Variants in MYO10 observed in about 807,000 individuals in gnomAD.
MYO10 encodes myosin X, also known as unconventional myosin-X.
A neutral mutation model predicts 257.3 loss-of-function variants in MYO10; 133 were observed. The observed-to-expected ratio is 0.52, with a 90% CI of 0.45 to 0.60. The LOEUF (loss-of-function observed/expected upper bound fraction) is 0.60, where lower values mean the gene tolerates loss of function less well. MYO10 is among the 20% of genes least tolerant of loss of function. The pLI is 0.00. For missense variants in MYO10, 2,399 were observed against 2,635.7 expected (o/e 0.91, Z 1.97); for synonymous variants, 1,104 against 1,028.6 (o/e 1.07, Z -1.40).
intron 30 of MYO10, among the ~76,000 whole-genome samples, chr5:16,682,594 A>AACCTCT (rs1737057121): frequency 6.6e-6 from 1 of 152,216 alleles, no homozygotes; most frequent in Non-Finnish European, 1.5e-5. Flanking sequence ...AAATGCCCTG[A>AACCTCT]ACCTCTCTCA....
intron 2 of MYO10, among the ~76,000 whole-genome samples, chr5:16,870,722 A>G (rs192342243): frequency 2.0e-5 from 3 of 152,188 alleles, no homozygotes; most frequent in East Asian, 1.9e-4. Flanking sequence ...GAGAAAGCCC[A>G]TCTCTACTAA....
chr5:16,872,640 T>C lies in MYO10; in HGVS notation c.120+4969A>G, dbSNP rs539414075. ...AGAATGCTATATTAGTCTGTTTTCATGCTGCTGATAAAGACATACCCAAGA... is the reference window on the plus strand; with the variant it reads ...AGAATGCTATATTAGTCTGTTTTCACGCTGCTGATAAAGACATACCCAAGA... On this transcript the variant is annotated intron_variant, in intron 2 of 40. Coordinates refer to ENST00000513610, the MANE Select transcript of MYO10 (RefSeq NM_012334.3). 5.9e-5 allele frequency among the ~76,000 whole-genome samples: 9 copies of C among 152,334 alleles called. 1 individual carries two copies. The South Asian group carries it at 1.9e-3, about 32-fold the overall frequency.
intron 3 of MYO10, chr5:16,814,464 T>C (rs1742542134): frequency 6.6e-6 from 1 of 152,176 alleles, no homozygotes; most frequent in Non-Finnish European, 1.5e-5. Context: ...TTTTTTTAAG[T>C]TGGTACACTT....
At chr5:16,933,690 T>C (rs1746355231) in intron 1 of MYO10, among the ~76,000 whole-genome samples, 1 of 152,166 alleles carries the variant, frequency 6.6e-6, no homozygotes, top group Non-Finnish European at 1.5e-5. Flanking sequence ...GGATGCTCCA[T>C]TACAAGACAT....
intron 1 of MYO10, among the ~76,000 whole-genome samples, chr5:16,887,818 C>T (rs1744935609): frequency 6.6e-6 from 1 of 152,036 alleles, no homozygotes; most frequent in Admixed American, 6.5e-5. Context: ...AATCTGATTT[C>T]CCCCACCTTC....
At chr5:16,683,772 T>C in intron 30 of MYO10, 108 bp downstream of exon 30, 1 of 1,096,228 alleles carries the variant, frequency 9.1e-7, no homozygotes, top group Non-Finnish European at 1.3e-6. Flanking sequence ...CACACAGCCT[T>C]GCGTGATTTC....
chr5:16,903,069 G>A (rs980517750), intron 1 of MYO10, among the ~76,000 whole-genome samples: 1 of 152,146 alleles, frequency 6.6e-6, no homozygotes, highest in Non-Finnish European at 1.5e-5. Flanking sequence ...CGCTTCACAC[G>A]CACTAACTTG....
chr5:16,924,768 AGTGAT>A (rs144648652), intron 1 of MYO10, among the ~76,000 whole-genome samples: 6,820 of 151,890 alleles, frequency 0.045, 169 homozygotes, highest in African/African-American at 0.055. Context: ...GTGGGTGGAA[AGTGAT>A]ATTAACTTTG....
intron 2 of MYO10, among the ~76,000 whole-genome samples, chr5:16,826,810 A>G (rs1020399740): frequency 6.6e-6 from 1 of 152,110 alleles, no homozygotes; most frequent in Non-Finnish European, 1.5e-5. Flanking sequence ...TCTTTAATTC[A>G]TGAATCAAAG....
rs1432978340 is a variant in MYO10, at chr5:16,670,801, T to A, written c.5608A>T (p.Thr1870Ser). Reference protein sequence around the residue: ...LKARISQSTKTFTPCERLEKR... With the variant: ...LKARISQSTKSFTPCERLEKR... ...TCCAGCCGTTCACAAGGGGTGAAGG[T>A]TTTGGTTGACTGGCTGATGCGGGCC... The change falls in exon 39 of 41, where the codon ACC becomes TCC. Residue 1870 changes from threonine to serine, a missense_variant. Around this residue, in one of 3 missense-constraint regions of MYO10, gnomAD observed 1,820 missense variants for 1,939.4 expected, o/e 0.94. Transcript: ENST00000513610. The A allele has an allele frequency of 1.2e-6, 2 of 1,613,734 alleles. No individual in the cohort carries two copies. The highest frequency in any genetic ancestry group is 3.3e-5 in the Admixed American group (2 of 59,974).
rs1431975182 is a variant in MYO10, at chr5:16,673,688, A to T, written c.5166T>A (p.Ala1722=). Residue 1722 remains alanine (A), a synonymous_variant, in exon 36 of 41, where the codon GCT becomes GCA. Coordinates refer to ENST00000513610, the MANE Select transcript of MYO10 (RefSeq NM_012334.3). The part of the protein sequence containing the change: ...CKITINSHTT[A]GEVVEKLIRG... The stretch of plus-strand genomic sequence containing the variant: ...AGCAGCTGCCTCTCCTCACCTCCCC[A>T]GCGGTGGTGTGGGAGTTGATGGTGA... The T allele has an allele frequency of 7.4e-6, 12 of 1,613,158 alleles. No homozygotes were observed. Among genetic ancestry groups the T allele is most frequent in the African/African-American group, 1.3e-5 (1 of 74,850 alleles).
intron 19 of MYO10, among the ~76,000 whole-genome samples, chr5:16,751,529 T>C (rs955862671): frequency 6.6e-6 from 1 of 152,112 alleles, no homozygotes; most frequent in Non-Finnish European, 1.5e-5. Context: ...TCGCCCAGGC[T>C]GGAGTGCAAT....
chr5:16,673,792 G>C lies in MYO10; in HGVS notation c.5062C>G (p.Arg1688Gly). 1 of 1,613,924 alleles carries C rather than the reference G, an allele frequency of 6.2e-7. No individual in the cohort carries two copies. Among genetic ancestry groups the C allele is most frequent in the Non-Finnish European group, 8.5e-7 (1 of 1,179,898 alleles). Residue 1688 changes from arginine (R) to glycine (G), a missense_variant, in exon 36 of 41, where the codon CGA becomes GGA. By Grantham distance (125) the Arg-to-Gly change is moderately radical. Coordinates refer to ENST00000513610, the MANE Select transcript of MYO10 (RefSeq NM_012334.3). ...TGGATCAGAGCTTCTATTTCATCTC[G>C]GGAAGGCACAAACTCTCGGCATTTG... ...KTKCREFVPS[R>G]DEIEALIHRQ...
Position 16,761,497 on chromosome 5 carries a change from C to T in MYO10, c.1706G>A (p.Arg569Gln), listed in dbSNP as rs747531052. 6.2e-6 allele frequency: 10 copies of T among 1,613,024 alleles called. No homozygotes were observed. Among genetic ancestry groups the T allele is most frequent in the African/African-American group, 1.3e-5 (1 of 74,766 alleles). Residue 569 changes from arginine to glutamine, a missense_variant, in exon 17 of 41, where the codon CGA (arginine) becomes CAA (glutamine). Around this residue, in one of 3 missense-constraint regions of MYO10, gnomAD observed 1,820 missense variants for 1,939.4 expected, o/e 0.94. Transcript: ENST00000513610. ...GILEKNRDTF[R>Q]DDLLNLLRES... is the part of the protein sequence containing the mutation. ...TCTTAGCAAATTGAGAAGGTCATCT[C>T]GAAATGTATCTCTGTTCTTCTCCAA... is the stretch of plus-strand genomic sequence containing the variant.
At position 16,723,304 on chromosome 5, in the gene MYO10, C is replaced by T. The variant is rs182272863; in HGVS notation, c.1930-12059G>A. ...TGGGGAGGCTGAGGCAGGAGAATGGCGTGAACCTGGGAGGCGGAGCTTGCA... is the reference window on the plus strand; with the variant it reads ...TGGGGAGGCTGAGGCAGGAGAATGGTGTGAACCTGGGAGGCGGAGCTTGCA... On this transcript the variant is annotated intron_variant, in intron 19 of 40. Transcript: ENST00000513610. Among the ~76,000 whole-genome samples, 1,048 of 152,024 alleles carry T rather than the reference C, an allele frequency of 6.9e-3. 4 individuals are homozygous for T. The highest frequency in any genetic ancestry group is 0.012 in the South Asian group (58 of 4,806).
At chr5:16,823,458 GGGA>G (rs1742896858) in intron 2 of MYO10, among the ~76,000 whole-genome samples, 3 of 19,972 alleles carry the variant, frequency 1.5e-4, no homozygotes, top group Non-Finnish European at 2.7e-4. Context: ...CGGGGGGGGG[GGGA>G]GTGGGGATTT....
intron 26 of MYO10, among the ~76,000 whole-genome samples, chr5:16,696,046 CA>C (rs1425114206): frequency 6.6e-6 from 1 of 152,180 alleles, no homozygotes; most frequent in African/African-American, 2.4e-5. Context: ...GAAAACTGTG[CA>C]AAATTATTCT....
chr5:16,858,285 A>G (rs1340457136), intron 2 of MYO10, among the ~76,000 whole-genome samples: 1 of 152,152 alleles, frequency 6.6e-6, no homozygotes, highest in Admixed American at 6.5e-5. Context: ...TAGACCATAC[A>G]ATTCAGGCTG....
intron 2 of MYO10, among the ~76,000 whole-genome samples, chr5:16,826,025 G>A (rs62369349): frequency 0.29 from 44,318 of 151,860 alleles, 7,866 homozygotes; most frequent in East Asian, 0.4. Context: ...GTGGGTGCCT[G>A]TAATCCCAGC....
Sources: allele counts gnomAD v4.1 joint callset (sites outside exome capture counted in the v4.1 genomes callset), GRCh38; gene constraint gnomAD v4.1.1; regional missense constraint gnomAD v4.1.1; transcripts MANE v1.5; gene names NCBI Gene and HGNC (gene_info 2026-07-23, HGNC 2026-07-21).